Variants in SRPRB observed in about 807,000 individuals in gnomAD.
The protein encoded by SRPRB is SRP receptor subunit beta, also known as signal recognition particle receptor subunit beta.
In SRPRB, 20 loss-of-function variants were observed where a neutral mutation model predicts 31.9. The ratio of observed to expected loss-of-function variants is 0.63; its 90% CI spans 0.44 to 0.91. The LOEUF is 0.91. SRPRB is among the 40% of genes least tolerant of loss of function. The probability of loss-of-function intolerance (pLI) is 0.00; values close to 1 mark genes in which losing one functional copy is unlikely to be tolerated. For missense variants in SRPRB, 321 were observed against 324.9 expected (o/e 0.99, Z 0.09); for synonymous variants, 146 against 132.8 (o/e 1.10, Z -0.68).
downstream of SRPRB, chr3:133,825,717 G>A (rs1485059987): frequency 1.3e-5 from 2 of 152,174 alleles, no homozygotes; most frequent in Non-Finnish European, 2.9e-5. Flanking sequence ...CAGAACAGGA[G>A]CTTTGTTGAT....
chr3:133,794,747 C>T (rs907355452), intron 1 of SRPRB: 12 of 152,120 alleles, frequency 7.9e-5, no homozygotes, highest in African/African-American at 1.4e-4. Context: ...GTTTCTCTCC[C>T]GAAGAAGATG....
chr3:133,824,987 G>GTT (rs1308138053), downstream of SRPRB: 3 of 152,086 alleles, frequency 2.0e-5, no homozygotes, highest in Non-Finnish European at 4.4e-5. Context: ...GACAGGAAAA[G>GTT]TTGTGACAGC....
At chr3:133,790,481 A>G (rs2107952245) in intron 1 of SRPRB, 1 of 152,354 alleles carries the variant, frequency 6.6e-6, no homozygotes, top group Admixed American at 6.5e-5. Context: ...TTATGAAACA[A>G]TGTAGTAAGG....
At chr3:133,801,792 A>G (rs1935066353), upstream of SRPRB, among the ~76,000 whole-genome samples, 1 of 152,230 alleles carries the variant, frequency 6.6e-6, no homozygotes, top group African/African-American at 2.4e-5. Context: ...GAGAAATGGA[A>G]TGTGGCATGA....
upstream of SRPRB, among the ~76,000 whole-genome samples, chr3:133,801,258 T>C (rs78453588): frequency 0.022 from 3,291 of 152,296 alleles, 43 homozygotes; most frequent in Non-Finnish European, 0.034. Context: ...TCATTGTAAC[T>C]TTCCATCTGC....
intron 2 of SRPRB, 63 bp from the exon 3 acceptor site, chr3:133,807,683 A>C (rs941649515): frequency 8.2e-6 from 9 of 1,101,054 alleles, no homozygotes; most frequent in African/African-American, 4.6e-5. Flanking sequence ...ACTTAGAATA[A>C]TATAACTCAA....
chr3:133,795,978 C>G (rs9813689), intron 1 of SRPRB: 1 of 151,940 alleles, frequency 6.6e-6, no homozygotes, highest in Non-Finnish European at 1.5e-5. Context: ...AACGGAGTCA[C>G]GTATGCCAAG....
At chr3:133,824,614 T>C (rs1025448793), downstream of SRPRB, 4 of 152,096 alleles carry the variant, frequency 2.6e-5, no homozygotes. Flanking sequence ...TTGGAACACC[T>C]AAATAGTTCA....
At chr3:133,803,758 C>T (rs1935097169), upstream of SRPRB, among the ~76,000 whole-genome samples, 1 of 151,394 alleles carries the variant, frequency 6.6e-6, no homozygotes, top group Non-Finnish European at 1.5e-5. Flanking sequence ...CCTGGAATTC[C>T]TGGGCTCAAG....
upstream of SRPRB, among the ~76,000 whole-genome samples, chr3:133,800,870 TAA>T (rs1935051030): frequency 2.0e-5 from 3 of 152,212 alleles, no homozygotes; most frequent in Non-Finnish European, 4.4e-5. Flanking sequence ...GTGCATACTA[TAA>T]TCTCTTTAAA....
intron 1 of SRPRB, chr3:133,796,526 G>T (rs569972724): frequency 6.6e-6 from 1 of 152,284 alleles, no homozygotes; most frequent in Admixed American, 6.5e-5. Flanking sequence ...ACCTCTAGAG[G>T]GTATTTAAAC....
chr3:133,827,835 CA>C (rs1935594463), downstream of SRPRB: 1 of 606,434 alleles, frequency 1.6e-6, no homozygotes, highest in African/African-American at 1.9e-5. Context: ...TTCAGGATGG[CA>C]CACTGCCCAA....
In SRPRB at chr3:133,819,712, C is replaced by T. The variant is rs373850702; in HGVS notation, c.762C>T (p.Asp254=). ...GCAGTGCCAAGGGTGGAAGAGGGGA[C>T]GTGGGCTCTGCTGACATCCAGGACT... ...LECSAKGGRG[D]VGSADIQDLE... Residue 254 remains aspartate, a synonymous_variant, in exon 7 of 7, where the codon GAC becomes GAT. Coordinates refer to ENST00000678299, the MANE Select transcript of SRPRB (RefSeq NM_001379313.1). 3 of 1,613,990 alleles carry T rather than the reference C, an allele frequency of 1.9e-6. No homozygotes were observed. The highest frequency in any genetic ancestry group is 2.2e-5 in the East Asian group (1 of 44,892).
At chr3:133,821,743 C>G (rs1935478990), downstream of SRPRB, among the ~76,000 whole-genome samples, 1 of 152,182 alleles carries the variant, frequency 6.6e-6, no homozygotes, top group Non-Finnish European at 1.5e-5. Context: ...GATTCAATAG[C>G]AAGTCTGGTA....
intron 1 of SRPRB, chr3:133,793,648 T>C (rs1380511147): frequency 6.6e-6 from 1 of 152,174 alleles, no homozygotes; most frequent in Non-Finnish European, 1.5e-5. Flanking sequence ...ACCACAGAAA[T>C]AACCAAATTT....
rs541178153 is a variant in SRPRB at position 133,820,038 on chromosome 3, T to C, written c.*272T>C. On this transcript the variant is annotated 3_prime_UTR_variant, in exon 7 of 7. Transcript: ENST00000678299. ...GGTGTAACTTGATGTAGGGTCAAGG[T>C]TTTTGTGACAACAGGCAGACTCCAC... 1 of 395,660 alleles carries C rather than the reference T, an allele frequency of 2.5e-6. No homozygotes were observed. The highest frequency in any genetic ancestry group is 3.9e-5 in the Admixed American group (1 of 25,844). 24.5% of individuals were successfully genotyped at this position (395,660 alleles called of 1,614,324 possible). A position where few individuals can be genotyped will look rare whatever the true frequency, so the allele number is the denominator to read the frequency against.
intron 3 of SRPRB, among the ~76,000 whole-genome samples, chr3:133,808,441 C>T (rs893589438): frequency 6.6e-6 from 1 of 152,108 alleles, no homozygotes; most frequent in African/African-American, 2.4e-5. Context: ...TTATGAGCTG[C>T]ATAGTACTCC....
At chr3:133,827,112 G>T (rs1935577482), downstream of SRPRB, 1 of 152,558 alleles carries the variant, frequency 6.6e-6, no homozygotes, top group Non-Finnish European at 1.5e-5. Context: ...TAGGCAGAGG[G>T]TGTGTGGCAG....
intron 4 of SRPRB, among the ~76,000 whole-genome samples, chr3:133,815,214 C>T (rs1935345171): frequency 6.6e-6 from 1 of 152,182 alleles, no homozygotes; most frequent in African/African-American, 2.4e-5. Flanking sequence ...AGATTCAACT[C>T]AACTGTTACA....
Sources: allele counts gnomAD v4.1 joint callset (sites outside exome capture counted in the v4.1 genomes callset), GRCh38; gene constraint gnomAD v4.1.1; transcripts MANE v1.5; gene names NCBI Gene and HGNC (gene_info 2026-07-23, HGNC 2026-07-21).